The following SEPTIN6 variants were observed in gnomAD, a reference collection of about 807,000 sequenced individuals.
SEPTIN6 encodes the protein septin 6.
SEPTIN6 carries 8 observed loss-of-function variants against 33.6 expected under a neutral mutation model. The observed-to-expected ratio is 0.24, with a 90% CI of 0.14 to 0.43. SEPTIN6 has a LOEUF of 0.43. Among genes scored for constraint, SEPTIN6 ranks in the 20% least tolerant of loss-of-function variants. The pLI, the probability that SEPTIN6 is intolerant of heterozygous loss-of-function variation, is 1.00. For missense variants in SEPTIN6, 250 were observed against 340.8 expected (o/e 0.73, Z 2.10); for synonymous variants, 131 against 140.0 (o/e 0.94, Z 0.45).
At chrX:119,661,347 C>T (rs951724987) in intron 3 of SEPTIN6, among the ~76,000 whole-genome samples, 55 of 110,519 alleles carry the variant, frequency 5.0e-4, no homozygotes, top group Admixed American at 1.4e-3. Flanking sequence ...AGGAGAATGG[C>T]GTGAACCCAG....
At chrX:119,637,654 T>TCCATCC (rs2054089910) in intron 6 of SEPTIN6, among the ~76,000 whole-genome samples, 23 of 91,901 alleles carry the variant, frequency 2.5e-4, no homozygotes, top group African/African-American at 8.8e-4. Context: ...TCCATCTATC[T>TCCATCC]ATCCATCCAT....
chrX:119,668,870 T>C (rs1216077457), intron 2 of SEPTIN6, among the ~76,000 whole-genome samples: 1 of 111,577 alleles, frequency 9.0e-6, no homozygotes, highest in Non-Finnish European at 1.9e-5. Context: ...TGTGAGATTT[T>C]GATGCACCCA....
intron 2 of SEPTIN6, among the ~76,000 whole-genome samples, chrX:119,673,524 G>GA (rs1435354521): frequency 9.1e-6 from 1 of 109,925 alleles, no homozygotes; most frequent in Non-Finnish European, 1.9e-5. Flanking sequence ...GGGGATAGAG[G>GA]AAAAAAAATG....
At chrX:119,684,445 T>C (rs923327253) in intron 1 of SEPTIN6, among the ~76,000 whole-genome samples, 6 of 108,504 alleles carry the variant, frequency 5.5e-5, no homozygotes, top group African/African-American at 1.7e-4. Context: ...CTGTATTATG[T>C]CATAAGAACC....
At chrX:119,641,096 T>C (rs1178231290) in intron 5 of SEPTIN6, among the ~76,000 whole-genome samples, 2 of 112,081 alleles carry the variant, frequency 1.8e-5, no homozygotes, top group African/African-American at 6.5e-5. Flanking sequence ...TCGCTATTCA[T>C]AGTTACTGCT....
At chrX:119,624,855 C>T (rs2053835740) in intron 10 of SEPTIN6, among the ~76,000 whole-genome samples, 1 of 110,950 alleles carries the variant, frequency 9.0e-6, no homozygotes, top group Non-Finnish European at 1.9e-5. Flanking sequence ...GATTACAGGC[C>T]TGTGCCACCA....
chrX:119,633,978 G>A (rs750252097), intron 7 of SEPTIN6, among the ~76,000 whole-genome samples: 2 of 112,115 alleles, frequency 1.8e-5, no homozygotes, highest in African/African-American at 6.5e-5. Flanking sequence ...CATGATGCTA[G>A]TCACTCAGCC....
intron 6 of SEPTIN6, among the ~76,000 whole-genome samples, chrX:119,640,456 CT>C (rs1378067457): frequency 9.0e-6 from 1 of 110,817 alleles, no homozygotes; most frequent in African/African-American, 3.3e-5. Context: ...CTTGCAAGTC[CT>C]TGTGTTTTAG....
chrX:119,663,421 G>A, intron 3 of SEPTIN6, 61 bp downstream of exon 3: 2 of 962,314 alleles, frequency 2.1e-6, no homozygotes, highest in Non-Finnish European at 1.4e-6. Context: ...TCTGTGGTGA[G>A]CTCCTCTCTG....
intron 2 of SEPTIN6, among the ~76,000 whole-genome samples, chrX:119,674,967 G>C (rs1056613556): frequency 1.8e-5 from 2 of 109,952 alleles, no homozygotes; most frequent in Admixed American, 9.8e-5. Flanking sequence ...AGCACTTTGG[G>C]AGGCCAAGAT....
chrX:119,692,958 G>A, intron 1 of SEPTIN6, 118 bp downstream of exon 1: 1 of 742,086 alleles, frequency 1.3e-6, no homozygotes, highest in Admixed American at 2.7e-5. Context: ...GTCCCACCGT[G>A]CCCTTGGCTC....
At chrX:119,652,505 T>C in intron 4 of SEPTIN6, among the ~76,000 whole-genome samples, 1 of 112,133 alleles carries the variant, frequency 8.9e-6, no homozygotes, top group Non-Finnish European at 1.9e-5. Flanking sequence ...AGAATAACTT[T>C]CAAAGTCAAG....
chrX:119,665,335 C>T (rs1238370457), intron 2 of SEPTIN6, among the ~76,000 whole-genome samples: 1 of 111,285 alleles, frequency 9.0e-6, no homozygotes, highest in Non-Finnish European at 1.9e-5. Context: ...AACTCCTGAC[C>T]TCTGGTGATC....
At position 119,617,244 on chromosome X, in the gene SEPTIN6, A is replaced by ATT; in HGVS notation, c.*2847_*2848dup. 2 of 777,853 alleles carry ATT rather than the reference A, an allele frequency of 2.6e-6. No homozygotes were observed. The highest frequency in any genetic ancestry group is 1.5e-6 in the Non-Finnish European group (1 of 648,361). 64.1% of individuals were successfully genotyped at this position (777,853 alleles called of 1,213,427 possible). A position where few individuals can be genotyped will look rare whatever the true frequency, so the allele number is the denominator to read the frequency against. On this transcript the variant is annotated 3_prime_UTR_variant, in exon 11 of 11. Coordinates refer to ENST00000394610, the MANE Select transcript of SEPTIN6 (RefSeq NM_145799.4). ...CAGAAGTAAACAGAGTACTTAGGGT[A>ATT]TTTTTTTTTTAAATAGTAACAGTTG...
chrX:119,663,755 A>G, intron 2 of SEPTIN6, 78 bp from the exon 3 acceptor site: 1 of 781,706 alleles, frequency 1.3e-6, no homozygotes. Flanking sequence ...TCATATACAC[A>G]TTTGTTGACA....
chrX:119,649,373 C>T (rs1392547758), intron 5 of SEPTIN6, among the ~76,000 whole-genome samples: 4 of 105,914 alleles, frequency 3.8e-5, no homozygotes, highest in African/African-American at 1.0e-4. Flanking sequence ...GGATTACAGG[C>T]GTGAGACACC....
intron 3 of SEPTIN6, among the ~76,000 whole-genome samples, chrX:119,661,314 C>T (rs960456443): frequency 2.7e-4 from 29 of 105,820 alleles, no homozygotes; most frequent in African/African-American, 7.6e-4. Flanking sequence ...GCCTGTAGTC[C>T]CAGCTACTCG....
chrX:119,675,492 C>T (rs2054826142), intron 2 of SEPTIN6, 62 bp downstream of exon 2: 3 of 650,505 alleles, frequency 4.6e-6, no homozygotes, highest in Non-Finnish European at 4.5e-6. Context: ...ACCTGCAAAG[C>T]CGTATCCAGC....
intron 2 of SEPTIN6, among the ~76,000 whole-genome samples, chrX:119,664,301 A>G (rs1273534420): frequency 9.0e-6 from 1 of 111,320 alleles, no homozygotes; most frequent in Non-Finnish European, 1.9e-5. Flanking sequence ...TTGCTTTTAT[A>G]GTCAGAAAAA....
Sources: gnomAD v4.1 joint callset for allele counts (sites outside exome capture counted in the v4.1 genomes callset) on GRCh38, gnomAD v4.1.1 for gene constraint, MANE v1.5 for transcripts, NCBI Gene and HGNC (gene_info 2026-07-23, HGNC 2026-07-21) for gene names.